CUBN: variants seen among roughly 807,000 people sequenced by gnomAD.
CUBN encodes the protein 460 kDa receptor.
CUBN carries 282 observed loss-of-function variants against 405.3 expected under a neutral mutation model. That is an observed-to-expected ratio of 0.70 (90% confidence interval 0.63 to 0.77). The LOEUF is 0.77. CUBN is among the 30% of genes least tolerant of loss of function. CUBN has a pLI of 0.00. For missense variants in CUBN, 4,514 were observed against 4,475.2 expected (o/e 1.01, Z -0.25); for synonymous variants, 1,684 against 1,617.0 (o/e 1.04, Z -0.99).
chr10:17,069,306 T>G (rs1385122120), intron 19 of CUBN, among the ~76,000 whole-genome samples: 1 of 152,196 alleles, frequency 6.6e-6, no homozygotes, highest in Non-Finnish European at 1.5e-5. Context: ...ACATACAAAT[T>G]TTTGTGTGGA....
At chr10:17,040,966 G>T in intron 27 of CUBN, 67 bp downstream of exon 27, 2 of 1,460,472 alleles carry the variant, frequency 1.4e-6, no homozygotes, top group Non-Finnish European at 1.9e-6. Context: ...AAGCATGATG[G>T]ATTCTAACTT....
At chr10:16,936,791 CAA>C (rs1357045107) in intron 39 of CUBN, among the ~76,000 whole-genome samples, 1 of 152,212 alleles carries the variant, frequency 6.6e-6, no homozygotes, top group African/African-American at 2.4e-5. Flanking sequence ...CGGCTCACTA[CAA>C]ACTCTACTCT....
chr10:16,916,119 C>T, intron 45 of CUBN, 89 bp from the exon 46 acceptor site: 1 of 1,332,434 alleles, frequency 7.5e-7, no homozygotes, highest in South Asian at 1.3e-5. Context: ...CTTCATTTCA[C>T]CAGCACATTT....
chr10:16,896,087 C>A (rs1007136022), intron 54 of CUBN, among the ~76,000 whole-genome samples: 1 of 152,174 alleles, frequency 6.6e-6, no homozygotes, highest in African/African-American at 2.4e-5. Context: ...CCACCATCCA[C>A]ATCTGACCAC....
intron 18 of CUBN, 39 bp downstream of exon 18, chr10:17,071,788 C>A: frequency 6.2e-7 from 1 of 1,600,414 alleles, no homozygotes; most frequent in South Asian, 1.1e-5. Flanking sequence ...ATATTACAAT[C>A]AGGCAAATTA....
intron 60 of CUBN, among the ~76,000 whole-genome samples, chr10:16,841,517 C>T (rs942423639): frequency 6.6e-6 from 1 of 151,926 alleles, no homozygotes; most frequent in African/African-American, 2.4e-5. Flanking sequence ...CTAACTGCTT[C>T]CCATCCACTC....
At chr10:16,988,711 T>C (rs940984038) in intron 29 of CUBN, among the ~76,000 whole-genome samples, 1 of 152,196 alleles carries the variant, frequency 6.6e-6, no homozygotes, top group Non-Finnish European at 1.5e-5. Flanking sequence ...TAAAGTTTCC[T>C]GTAACGTCCA....
chr10:17,067,690 T>G (rs917937705), intron 21 of CUBN, among the ~76,000 whole-genome samples: 5 of 152,120 alleles, frequency 3.3e-5, no homozygotes, highest in South Asian at 2.1e-4. Context: ...AGAAAAACAT[T>G]CAGTACGTAT....
intron 55 of CUBN, 148 bp downstream of exon 55, chr10:16,890,223 G>C: frequency 1.3e-6 from 1 of 759,974 alleles, no homozygotes; most frequent in Non-Finnish European, 2.3e-6. Flanking sequence ...CTATTTGGAA[G>C]AAAGGTGTCT....
intron 59 of CUBN, among the ~76,000 whole-genome samples, chr10:16,862,601 CTAT>C (rs1840051436): frequency 1.3e-5 from 2 of 152,166 alleles, no homozygotes; most frequent in South Asian, 4.1e-4. Flanking sequence ...CACGGTCCCA[CTAT>C]TATATTTCCT....
Position 16,954,465 on chromosome 10 carries a change from T to G in CUBN, c.4779A>C (p.Ser1593=). The G allele has an allele frequency of 6.2e-7, 1 of 1,614,140 alleles. No individual in the cohort carries two copies. Among genetic ancestry groups the G allele is most frequent in the Non-Finnish European group, 8.5e-7 (1 of 1,180,022 alleles). Residue 1593 remains serine (S), a synonymous_variant, in exon 32 of 67, where the codon TCA becomes TCC. Transcript: ENST00000377833. ...GAAATCTCAAGAAGAGGCTGTTTCC[T>G]GAGGAGACGATGGGGTTAGCCAGCT... is the stretch of plus-strand genomic sequence containing the variant. ...REQLANPIVS[S]GNSLFLRFQS...
At position 16,940,133 on chromosome 10, in the gene CUBN, A is replaced by C; in HGVS notation, c.5447T>G (p.Phe1816Cys). Residue 1816 changes from phenylalanine to cysteine, a missense_variant, in exon 37 of 67, where the codon TTC becomes TGC. Physicochemically the swap from Phe to Cys is radical, Grantham distance 205. Around this residue, in one of 5 missense-constraint regions of CUBN, gnomAD observed 1,613 missense variants for 1,542.8 expected, o/e 1.05. Coordinates refer to ENST00000377833, the MANE Select transcript of CUBN (RefSeq NM_001081.4). Reference sequence around the variant, plus strand: ...AACGATGGAAGAATAATTGAGAGGGAAGGAGTTTCCACAGTATCGTCCCAC... The same window carrying C: ...AACGATGGAAGAATAATTGAGAGGGCAGGAGTTTCCACAGTATCGTCCCAC... ...HLVGRYCGNS[F>C]PLNYSSIVGH... 2.5e-6 allele frequency: 4 copies of C among 1,614,112 alleles called. No homozygotes were observed. Among genetic ancestry groups the C allele is most frequent in the Non-Finnish European group, 3.4e-6 (4 of 1,179,964 alleles).
intron 14 of CUBN, among the ~76,000 whole-genome samples, chr10:17,090,390 C>G (rs1836227497): frequency 6.6e-6 from 1 of 151,338 alleles, no homozygotes; most frequent in East Asian, 1.9e-4. Context: ...GGAGAAAGAA[C>G]AGAGTGGAAG....
chr10:17,064,426 T>C (rs1835567120), intron 22 of CUBN, among the ~76,000 whole-genome samples: 1 of 152,198 alleles, frequency 6.6e-6, no homozygotes, highest in Non-Finnish European at 1.5e-5. Context: ...GTTCTCAGGA[T>C]GCCAGAGTGT....
chr10:17,011,093 A>G (rs1402660536), intron 28 of CUBN, among the ~76,000 whole-genome samples: 4 of 152,198 alleles, frequency 2.6e-5, no homozygotes, highest in Admixed American at 6.5e-5. Context: ...GTTGATTGAA[A>G]TACACCAATG....
intron 60 of CUBN, among the ~76,000 whole-genome samples, chr10:16,842,198 C>T (rs1839374203): frequency 6.6e-6 from 1 of 151,906 alleles, no homozygotes; most frequent in Non-Finnish European, 1.5e-5. Flanking sequence ...GTGCATGCCA[C>T]CATGCCTAGC....
chr10:16,932,885 C>T (rs1842398818), intron 40 of CUBN, among the ~76,000 whole-genome samples: 1 of 152,116 alleles, frequency 6.6e-6, no homozygotes, highest in South Asian at 2.1e-4. Context: ...TGTGCTATTC[C>T]TGATATTCTG....
chr10:16,862,805 G>A (rs533261714), intron 59 of CUBN, among the ~76,000 whole-genome samples: 2 of 152,236 alleles, frequency 1.3e-5, no homozygotes, highest in Admixed American at 6.5e-5. Flanking sequence ...AAACTAGGTC[G>A]CGTCTTGTGT....
At chr10:16,911,160 G>A (rs1218339573) in intron 48 of CUBN, among the ~76,000 whole-genome samples, 1 of 152,158 alleles carries the variant, frequency 6.6e-6, no homozygotes, top group Non-Finnish European at 1.5e-5. Context: ...AGAGGGTGTG[G>A]ACGAATTGGT....
Sources: allele counts gnomAD v4.1 joint callset (sites outside exome capture counted in the v4.1 genomes callset), GRCh38; gene constraint gnomAD v4.1.1; regional missense constraint gnomAD v4.1.1; transcripts MANE v1.5; gene names NCBI Gene and HGNC (gene_info 2026-07-23, HGNC 2026-07-21).